Variants in TBCE observed in about 807,000 individuals in gnomAD.
The protein encoded by TBCE is tubulin folding cofactor E, also known as tubulin-specific chaperone E.
TBCE carries 53 observed loss-of-function variants against 77.0 expected under a neutral mutation model. The ratio of observed to expected loss-of-function variants is 0.69; its 90% CI spans 0.55 to 0.87. The LOEUF is 0.87. TBCE is among the 40% of genes least tolerant of loss of function. The pLI is 0.00. For synonymous variants in TBCE, 235 were observed against 241.3 expected, an observed-to-expected ratio of 0.97 and a Z score of 0.24; for missense variants, 624 against 622.4, an observed-to-expected ratio of 1.00 and a Z score of -0.03.
chr1:235,368,951 C>T (rs6666334), intron 1 of TBCE, among the ~76,000 whole-genome samples: 110,870 of 151,628 alleles, frequency 0.73, 41,879 homozygotes, highest in African/African-American at 0.93. Flanking sequence ...TCTTTGGTAT[C>T]ATCCCTGATT....
chr1:235,395,154 A>G (rs1381965723), intron 2 of TBCE, among the ~76,000 whole-genome samples: 1 of 152,256 alleles, frequency 6.6e-6, no homozygotes, highest in Admixed American at 6.5e-5. Flanking sequence ...TTGTGTGGAC[A>G]TAAATTTTCA....
chr1:235,371,371 T>C (rs1676942098), intron 1 of TBCE, among the ~76,000 whole-genome samples: 1 of 150,892 alleles, frequency 6.6e-6, no homozygotes, highest in Non-Finnish European at 1.5e-5. Context: ...TGTCTTTTTT[T>C]TTTTCCCTTT....
intron 15 of TBCE, among the ~76,000 whole-genome samples, chr1:235,446,012 A>G (rs1372285291): frequency 1.3e-5 from 2 of 152,130 alleles, no homozygotes; most frequent in African/African-American, 4.8e-5. Flanking sequence ...AAATAAATTG[A>G]GTTCTTCAGT....
At chr1:235,396,532 G>A (rs1270766553) in intron 2 of TBCE, among the ~76,000 whole-genome samples, 1 of 152,104 alleles carries the variant, frequency 6.6e-6, no homozygotes, top group Non-Finnish European at 1.5e-5. Context: ...GGAACATATG[G>A]CAGTTCTATT....
intron 2 of TBCE, among the ~76,000 whole-genome samples, chr1:235,382,282 C>T (rs1351390230): frequency 6.6e-6 from 1 of 152,028 alleles, no homozygotes; most frequent in Non-Finnish European, 1.5e-5. Context: ...CATACGTGTG[C>T]ATGTGTCTTT....
At chr1:235,390,554 C>A (rs1417623195) in intron 2 of TBCE, among the ~76,000 whole-genome samples, 2 of 152,038 alleles carry the variant, frequency 1.3e-5, no homozygotes, top group Non-Finnish European at 2.9e-5. Context: ...GAGTTCAAGA[C>A]CAGCCTGACC....
At chr1:235,372,918 C>T (rs541162627) in intron 1 of TBCE, among the ~76,000 whole-genome samples, 62 of 129,120 alleles carry the variant, frequency 4.8e-4, no homozygotes, top group Non-Finnish European at 7.7e-4. Context: ...AGTGAGACTC[C>T]GTCTAAAAAA....
rs1681537556 is a variant in TBCE at position 235,437,463 on chromosome 1, A to G, written c.1105A>G (p.Asn369Asp). Reference protein sequence around the residue: ...IASIGQLKTLNKCEILPEERR... With the variant: ...IASIGQLKTLDKCEILPEERR... Reference sequence around the variant, plus strand: ...CAGCATTGGCCAGCTGAAGACGCTGAACAAATGTGAGGTGAGCACTGGCGT... The same window carrying G: ...CAGCATTGGCCAGCTGAAGACGCTGGACAAATGTGAGGTGAGCACTGGCGT... Residue 369 changes from asparagine (N) to aspartate (D), a missense_variant, in exon 12 of 17, where the codon AAC (asparagine) becomes GAC (aspartate). Coordinates refer to ENST00000642610, the MANE Select transcript of TBCE (RefSeq NM_003193.5). 1 of 1,613,986 alleles carries G rather than the reference A, an allele frequency of 6.2e-7. No homozygotes were observed. The highest frequency in any genetic ancestry group is 1.1e-5 in the South Asian group (1 of 91,084).
chr1:235,447,738 A>C (rs1682494134), intron 15 of TBCE, among the ~76,000 whole-genome samples: 1 of 152,198 alleles, frequency 6.6e-6, no homozygotes, highest in Non-Finnish European at 1.5e-5. Flanking sequence ...TTCTGTGCTG[A>C]GAGTATCATT....
intron 5 of TBCE, among the ~76,000 whole-genome samples, chr1:235,419,834 T>G (rs1680299155): frequency 6.6e-6 from 1 of 152,040 alleles, no homozygotes; most frequent in Admixed American, 6.6e-5. Flanking sequence ...ACGCCTGTAA[T>G]CCTAGCATTT....
At chr1:235,443,033 A>G (rs1682001040) in intron 15 of TBCE, 122 bp downstream of exon 15, 1 of 960,652 alleles carries the variant, frequency 1.0e-6, no homozygotes, top group Non-Finnish European at 1.6e-6. Flanking sequence ...ACAGGTTTTC[A>G]TTAGTCTTTT....
At chr1:235,377,468 C>T (rs1181014699) in intron 1 of TBCE, among the ~76,000 whole-genome samples, 5 of 152,118 alleles carry the variant, frequency 3.3e-5, no homozygotes, top group South Asian at 2.1e-4. Flanking sequence ...CGTGAGCCAC[C>T]GCGCCCAGCC....
chr1:235,430,565 ATT>A, intron 6 of TBCE, 138 bp from the exon 7 acceptor site: 1 of 635,648 alleles, frequency 1.6e-6, no homozygotes, highest in Non-Finnish European at 2.7e-6. Context: ...TAAAAAAGTG[ATT>A]TTTAAAATAT....
At chr1:235,444,315 C>T (rs996813355) in intron 15 of TBCE, among the ~76,000 whole-genome samples, 3 of 152,132 alleles carry the variant, frequency 2.0e-5, no homozygotes, top group Non-Finnish European at 2.9e-5. Context: ...TGATTTCCCC[C>T]TTCATTATTC....
chr1:235,375,736 A>G (rs906316254), intron 1 of TBCE, among the ~76,000 whole-genome samples: 24 of 152,150 alleles, frequency 1.6e-4, no homozygotes, highest in African/African-American at 5.8e-4. Flanking sequence ...GAGACTAGAC[A>G]GGATCATCAA....
chr1:235,439,721 C>T (rs1015115875), intron 13 of TBCE, among the ~76,000 whole-genome samples: 3 of 151,470 alleles, frequency 2.0e-5, no homozygotes, highest in African/African-American at 7.3e-5. Flanking sequence ...CTCCTGACCT[C>T]AAGTGATCCA....
chr1:235,427,094 T>G, intron 5 of TBCE, 46 bp from the exon 6 acceptor site: 1 of 1,364,378 alleles, frequency 7.3e-7, no homozygotes, highest in Non-Finnish European at 1.0e-6. Flanking sequence ...CTTTTATGTC[T>G]TTTGTGAATC....
intron 5 of TBCE, among the ~76,000 whole-genome samples, chr1:235,425,064 A>G (rs1288297847): frequency 6.6e-6 from 1 of 152,058 alleles, no homozygotes. Context: ...GCTTCTTGAG[A>G]GACCTTCTGG....
chr1:235,414,290 ATTATT>A (rs1429624991), intron 3 of TBCE, 138 bp from the exon 4 acceptor site: 1 of 727,588 alleles, frequency 1.4e-6, no homozygotes, highest in South Asian at 1.6e-5. Flanking sequence ...CTGATTATAT[ATTATT>A]TTAGTATGTG....
Sources: allele counts gnomAD v4.1 joint callset (sites outside exome capture counted in the v4.1 genomes callset), GRCh38; gene constraint gnomAD v4.1.1; transcripts MANE v1.5; gene names NCBI Gene and HGNC (gene_info 2026-07-23, HGNC 2026-07-21).